The following IMPG1 variants were observed in gnomAD, a reference collection of about 807,000 sequenced individuals.
IMPG1 encodes interphotoreceptor matrix proteoglycan of 150 kDa.
Under a neutral mutation model 92.0 loss-of-function variants are expected in IMPG1, and 85 were observed. That is an observed-to-expected ratio of 0.92 (90% CI 0.78 to 1.11). The LOEUF (loss-of-function observed/expected upper bound fraction) is 1.11. Ranked by LOEUF, IMPG1 falls within the 50% of genes least tolerant of loss-of-function variation. IMPG1 has a pLI of 0.00. For missense variants in IMPG1, 1,022 were observed against 956.0 expected, an observed-to-expected ratio of 1.07 and a Z score of -0.91; for synonymous variants, 367 against 334.1, an observed-to-expected ratio of 1.10 and a Z score of -1.08.
At chr6:75,997,243 T>C (rs999627201) in intron 12 of IMPG1, among the ~76,000 whole-genome samples, 1 of 152,190 alleles carries the variant, frequency 6.6e-6, no homozygotes, top group African/African-American at 2.4e-5. Context: ...TTATAAGCAA[T>C]AAACTTCTGT....
rs188377551 is a variant in IMPG1 at position 76,026,833 on chromosome 6, T to C, written c.498-1575A>G. 4.7e-3 allele frequency among the ~76,000 whole-genome samples: 715 copies of C among 152,346 alleles called. 6 individuals carry two copies. Among genetic ancestry groups the C allele is most frequent in the African/African-American group, 0.016 (676 of 41,594 alleles). ...TGTGTTCTCTGCAAAGTTTTGGTTGTTAAATCAAGCCTCCATTTTGTTATA... is the reference window on the plus strand; with the variant it reads ...TGTGTTCTCTGCAAAGTTTTGGTTGCTAAATCAAGCCTCCATTTTGTTATA... On this transcript the variant is annotated intron_variant, in intron 4 of 16. Coordinates refer to ENST00000369950, the MANE Select transcript of IMPG1 (RefSeq NM_001563.4).
intron 1 of IMPG1, among the ~76,000 whole-genome samples, chr6:76,047,077 G>A (rs1345267822): frequency 1.3e-5 from 2 of 152,198 alleles, no homozygotes; most frequent in Non-Finnish European, 2.9e-5. Flanking sequence ...TAGATAGAGT[G>A]TTTTTGTTAC....
intron 12 of IMPG1, among the ~76,000 whole-genome samples, chr6:75,985,984 A>G (rs2149471367): frequency 6.6e-6 from 1 of 152,346 alleles, no homozygotes; most frequent in East Asian, 1.9e-4. Context: ...AGAGCCTCAC[A>G]GGCCAGGAAC....
intron 9 of IMPG1, among the ~76,000 whole-genome samples, chr6:76,007,257 A>G (rs1783113589): frequency 6.6e-6 from 1 of 152,180 alleles, no homozygotes; most frequent in Admixed American, 6.5e-5. Flanking sequence ...TCAGCTGACC[A>G]AGGAAATATT....
intron 12 of IMPG1, among the ~76,000 whole-genome samples, chr6:75,967,975 A>G (rs1238444985): frequency 6.6e-6 from 1 of 152,222 alleles, no homozygotes; most frequent in African/African-American, 2.4e-5. Context: ...AGATAAATCA[A>G]ACAGAACTCA....
At chr6:75,928,971 T>C (rs1781614098) in intron 15 of IMPG1, among the ~76,000 whole-genome samples, 1 of 152,222 alleles carries the variant, frequency 6.6e-6, no homozygotes, top group Admixed American at 6.5e-5. Flanking sequence ...ATTATTGCCT[T>C]TAGCTGCCAT....
intron 12 of IMPG1, among the ~76,000 whole-genome samples, chr6:75,995,448 C>G (rs1782880970): frequency 6.6e-6 from 1 of 152,156 alleles, no homozygotes; most frequent in Non-Finnish European, 1.5e-5. Context: ...CTTCACTTTC[C>G]TTCAATGTGC....
At chr6:75,987,355 G>A (rs780421130) in intron 12 of IMPG1, among the ~76,000 whole-genome samples, 23 of 149,920 alleles carry the variant, frequency 1.5e-4, no homozygotes, top group Admixed American at 3.3e-4. Context: ...TGCACAACGC[G>A]CAGGTTTGTT....
At chr6:76,017,296 T>A (rs1291273058) in intron 7 of IMPG1, among the ~76,000 whole-genome samples, 1 of 152,038 alleles carries the variant, frequency 6.6e-6, no homozygotes, top group Non-Finnish European at 1.5e-5. Flanking sequence ...GATTTGAATT[T>A]AATTAGAGAC....
At chr6:75,954,456 G>C (rs988059118) in intron 12 of IMPG1, among the ~76,000 whole-genome samples, 1 of 151,930 alleles carries the variant, frequency 6.6e-6, no homozygotes, top group Admixed American at 6.6e-5. Context: ...TTTTTGATGG[G>C]GTTGTTTGTT....
At chr6:76,045,354 G>A (rs1253135566) in intron 1 of IMPG1, among the ~76,000 whole-genome samples, 3 of 151,636 alleles carry the variant, frequency 2.0e-5, no homozygotes, top group African/African-American at 7.3e-5. Context: ...GTCTGGTGCA[G>A]CGAACACCAA....
At chr6:76,050,314 A>AC (rs1162068843) in intron 1 of IMPG1, among the ~76,000 whole-genome samples, 6 of 151,984 alleles carry the variant, frequency 3.9e-5, no homozygotes, top group Non-Finnish European at 8.8e-5. Context: ...ACAGTGGCGC[A>AC]CCCCTGTAAT....
rs1783444715 is a variant in IMPG1 at position 76,022,214 on chromosome 6, C to T, written c.568G>A (p.Ala190Thr). 1.3e-6 allele frequency: 2 copies of T among 1,575,260 alleles called. No homozygotes were observed. The highest frequency in any genetic ancestry group is 8.7e-7 in the Non-Finnish European group (1 of 1,152,124). ...GGGAAAGGCCCAAGTGAGACGTTGG[C>T]AACATCTGTGAAAATTTTAAAAATT... ...GETIVISTDV[A>T]NVSLGPFPLT... The change falls in exon 6 of 17, where the codon GCC becomes ACC. Residue 190 changes from alanine (A) to threonine (T), a missense_variant. Transcript: ENST00000369950.
At chr6:75,935,012 A>C in intron 14 of IMPG1, 1 of 470,978 alleles carries the variant, frequency 2.1e-6, no homozygotes, top group Middle Eastern at 3.5e-4. Context: ...TTCAGGCTTC[A>C]CCTGGGCTGG....
intron 12 of IMPG1, among the ~76,000 whole-genome samples, chr6:75,962,467 G>A (rs1173418218): frequency 1.3e-5 from 2 of 152,056 alleles, no homozygotes; most frequent in Admixed American, 6.6e-5. Flanking sequence ...ACAAATAAAA[G>A]GTGTGTACCA....
chr6:76,020,039 A>G (rs1783389404), intron 6 of IMPG1, among the ~76,000 whole-genome samples: 1 of 151,984 alleles, frequency 6.6e-6, no homozygotes, highest in Admixed American at 6.6e-5. Context: ...AAAATACAAT[A>G]TTTTATTTAT....
chr6:75,999,917 T>G (rs2149475942), intron 12 of IMPG1, among the ~76,000 whole-genome samples: 1 of 152,352 alleles, frequency 6.6e-6, no homozygotes, highest in East Asian at 1.9e-4. Context: ...CTCCTGGAAC[T>G]TCTGTAATGA....
rs78922320 is a variant in IMPG1, at chr6:76,006,133, C to G, written c.888-599G>C. Among the ~76,000 whole-genome samples, 112 of 151,984 alleles carry G rather than the reference C, an allele frequency of 7.4e-4. 3 individuals are homozygous for G. In the East Asian group the frequency reaches 0.02, roughly 28 times the overall value. Reference sequence around the variant, plus strand: ...CCTGAGCCACTGTGCCCACCTAGGTCTTTTTGAAAAAGTGCTTTTTGTCAA... The same window carrying G: ...CCTGAGCCACTGTGCCCACCTAGGTGTTTTTGAAAAAGTGCTTTTTGTCAA... On this transcript the variant is annotated intron_variant, in intron 9 of 16. Transcript: ENST00000369950.
chr6:76,065,467 C>A lies in IMPG1; in HGVS notation c.67+6955G>T, dbSNP rs181500108. Among the ~76,000 whole-genome samples, 251 of 152,080 alleles carry A rather than the reference C, an allele frequency of 1.7e-3. 3 individuals are homozygous for A. The highest frequency in any genetic ancestry group is 5.6e-3 in the African/African-American group (233 of 41,494). On this transcript the variant is annotated intron_variant, in intron 1 of 16. Coordinates refer to ENST00000369950, the MANE Select transcript of IMPG1 (RefSeq NM_001563.4). ...TGCTGTAAAAAGTTTTAACAATAGA[C>A]TAGACCAAGTGAAAGAAAGAATATC...
Sources: gnomAD v4.1 joint callset for allele counts (sites outside exome capture counted in the v4.1 genomes callset) on GRCh38, gnomAD v4.1.1 for gene constraint, MANE v1.5 for transcripts, NCBI Gene and HGNC (gene_info 2026-07-23, HGNC 2026-07-21) for gene names.